The following PHKG1 variants were observed in gnomAD, a reference collection of about 807,000 sequenced individuals.
PHKG1 encodes phosphorylase kinase catalytic subunit gamma 1.
PHKG1 carries 48 observed loss-of-function variants against 50.5 expected under a neutral mutation model. The ratio of observed to expected loss-of-function variants is 0.95; its 90% CI spans 0.75 to 1.21. The LOEUF (loss-of-function observed/expected upper bound fraction) is 1.21, where lower values mean the gene tolerates loss of function less well. Among genes scored for constraint, PHKG1 ranks in the 50% most tolerant of loss-of-function variants. PHKG1 has a pLI of 0.00. For missense variants in PHKG1, 487 were observed against 519.5 expected (o/e 0.94, Z 0.61); for synonymous variants, 204 against 212.8 (o/e 0.96, Z 0.36).
At chr7:56,092,619 T>G (rs1796529695) in intron 1 of PHKG1, among the ~76,000 whole-genome samples, 1 of 152,036 alleles carries the variant, frequency 6.6e-6, no homozygotes, top group Admixed American at 6.6e-5. Flanking sequence ...GAACTCTGAG[T>G]CCAAAAACCA....
In PHKG1 at chr7:56,081,750, G is replaced by A. The variant is rs1208772900; in HGVS notation, c.798C>T (p.Ser266=). 6.2e-7 allele frequency: 1 copy of A among 1,613,498 alleles called. No homozygotes were observed. The highest frequency in any genetic ancestry group is 8.5e-7 in the Non-Finnish European group (1 of 1,179,646). Residue 266 remains serine (S), a synonymous_variant, in exon 9 of 10, where the codon TCC becomes TCT. Coordinates refer to ENST00000297373, the MANE Select transcript of PHKG1 (RefSeq NM_006213.5). The surrounding 1 kb of genome is among the most constrained non-coding windows in gnomAD (Gnocchi z 4.6). ...TCTGGGGTTGCACCACCAGGAATCG[G>A]GAGACCTGTGAGAGGAGGAGAGGGG... ...DYSDTVKDLV[S]RFLVVQPQNR...
chr7:56,082,256 G>T lies in PHKG1; in HGVS notation c.548-3C>A, dbSNP rs1450876888. 6.2e-7 allele frequency: 1 copy of T among 1,611,766 alleles called. No individual in the cohort carries two copies. Among genetic ancestry groups the T allele is most frequent in the Non-Finnish European group, 8.5e-7 (1 of 1,178,934 alleles). On this transcript the variant is annotated splice_polypyrimidine_tract_variant and splice_region_variant and intron_variant, in intron 6 of 9. Coordinates refer to ENST00000297373, the MANE Select transcript of PHKG1 (RefSeq NM_006213.5). ...GTAACTGGGGGTCCCGCAGACCTCT[G>T]CAGGAACAGTCATCATCAGGGCAGG...
chr7:56,083,381 G>C lies in PHKG1; in HGVS notation c.444C>G (p.His148Gln). ...GAATGTTCTCGGGCTTCAGGTCCCG[G>C]TGCACGATGTTGAGTTTGTGCAAGG... ...ICTLHKLNIV[H>Q]RDLKPENILL... Residue 148 changes from histidine to glutamine, a missense_variant, in exon 6 of 10, where the codon CAC becomes CAG. By Grantham distance (24) the His-to-Gln change is conservative (BLOSUM62 0). Transcript: ENST00000297373. 6.2e-7 allele frequency: 1 copy of C among 1,614,136 alleles called. No homozygotes were observed. The highest frequency in any genetic ancestry group is 8.5e-7 in the Non-Finnish European group (1 of 1,180,010).
At chr7:56,089,354 C>T (rs1333666329) in intron 1 of PHKG1, among the ~76,000 whole-genome samples, 1 of 150,512 alleles carries the variant, frequency 6.6e-6, no homozygotes, top group East Asian at 2.0e-4. Flanking sequence ...GAGCCGAGAT[C>T]GCATCACTGC....
chr7:56,090,592 GTGTA>G (rs1796460019), intron 1 of PHKG1, among the ~76,000 whole-genome samples: 2 of 152,100 alleles, frequency 1.3e-5, no homozygotes, highest in Non-Finnish European at 2.9e-5. Flanking sequence ...TCACTTGTCA[GTGTA>G]TGCTGTCACC....
intron 1 of PHKG1, among the ~76,000 whole-genome samples, chr7:56,089,662 T>G (rs1796418468): frequency 6.6e-6 from 1 of 151,982 alleles, no homozygotes; most frequent in South Asian, 2.1e-4. Flanking sequence ...AAGCTGGAAT[T>G]ACAAGCACCT....
rs1420506721 is a variant in PHKG1, at chr7:56,083,414, C to T, written c.411G>A (p.Val137=). The T allele has an allele frequency of 1.2e-5, 19 of 1,614,064 alleles. No individual in the cohort carries two copies. The Admixed American group carries it at 3.2e-4, about 27-fold the overall frequency. The change falls in exon 6 of 10, where the codon GTG becomes GTA. Residue 137 remains valine (V), a synonymous_variant. Coordinates refer to ENST00000297373, the MANE Select transcript of PHKG1 (RefSeq NM_006213.5). ...TGTTGAGTTTGTGCAAGGTGCAGAT[C>T]ACCTCCAGCAGAGCTCGCATGATCT... ...TRKIMRALLE[V]ICTLHKLNIV... is the part of the protein sequence containing the mutation.
chr7:56,088,798 G>C (rs1796377674), intron 2 of PHKG1, 61 bp downstream of exon 2: 2 of 1,160,872 alleles, frequency 1.7e-6, no homozygotes, highest in Admixed American at 3.6e-5. Context: ...AGAGCTGGCT[G>C]TAGCCCACAG....
At chr7:56,091,742 T>A (rs1476643175) in intron 1 of PHKG1, among the ~76,000 whole-genome samples, 1 of 152,180 alleles carries the variant, frequency 6.6e-6, no homozygotes, top group Non-Finnish European at 1.5e-5. Context: ...CCTCCGGGAT[T>A]GGGCAGGCTG....
chr7:56,081,135 C>G lies in PHKG1; in HGVS notation c.1083G>C (p.Lys361Asn). Reference protein sequence around the residue: ...AFRIYGHWVKKGQQQNRAALF... With the variant: ...AFRIYGHWVKNGQQQNRAALF... ...GGGCTGCCCGGTTCTGCTGCTGCCC[C>G]TTCTTCACCCAGTGGCCATAGATTC... Residue 361 changes from lysine (K) to asparagine (N), a missense_variant, in exon 10 of 10, where the codon AAG becomes AAC. Lys to Asn is a moderately conservative substitution (Grantham distance 94). Coordinates refer to ENST00000297373, the MANE Select transcript of PHKG1 (RefSeq NM_006213.5). This position sits in a 1 kb window ranked among gnomAD's most constrained non-coding sequence, Gnocchi z 4.6. 1 of 1,613,868 alleles carries G rather than the reference C, an allele frequency of 6.2e-7. No individual in the cohort carries two copies. The highest frequency in any genetic ancestry group is 8.5e-7 in the Non-Finnish European group (1 of 1,179,906).
chr7:56,092,228 A>C (rs975143204), intron 1 of PHKG1, among the ~76,000 whole-genome samples: 1 of 150,962 alleles, frequency 6.6e-6, no homozygotes, highest in Non-Finnish European at 1.5e-5. Context: ...CACCCCTCAC[A>C]CCTTTCCCAA....
rs199541903 is a variant in PHKG1, at chr7:56,081,268, C to T, written c.950G>A (p.Arg317Gln). The change falls in exon 10 of 10, where the codon CGG (arginine) becomes CAG (glutamine). Residue 317 changes from arginine to glutamine, a missense_variant. Physicochemically the swap from Arg to Gln is conservative, Grantham distance 43 (BLOSUM62 1). Transcript: ENST00000297373. This position sits in a 1 kb window ranked among gnomAD's most constrained non-coding sequence, Gnocchi z 4.6. ...CACCCGGCGGTACTGGTAGTAGATC[C>T]GCACTGAAGCCAGCACGGTCAGAGC... ...VIALTVLASV[R>Q]IYYQYRRVKP... is the part of the protein sequence containing the mutation. 26 of 1,612,092 alleles carry T rather than the reference C, an allele frequency of 1.6e-5. No individual in the cohort carries two copies. In the Admixed American group the frequency reaches 2.5e-4, roughly 15 times the overall value.
rs1187661754 is a variant in PHKG1, at chr7:56,082,109, A to G, written c.638+54T>C. ...CAGGGGCACCGGCCCAGCCCTGCCTACTTCCTCCCTTGCCCAGCCTAGCTG... is the reference window on the plus strand; with the variant it reads ...CAGGGGCACCGGCCCAGCCCTGCCTGCTTCCTCCCTTGCCCAGCCTAGCTG... On this transcript the variant is annotated intron_variant, in intron 7 of 9. Coordinates refer to ENST00000297373, the MANE Select transcript of PHKG1 (RefSeq NM_006213.5). The G allele has an allele frequency of 2.5e-6, 4 of 1,610,950 alleles. No individual in the cohort carries two copies. The African/African-American group carries it at 5.3e-5, about 22-fold the overall frequency.
At chr7:56,088,589 TC>T in intron 2 of PHKG1, 1 of 315,810 alleles carries the variant, frequency 3.2e-6, no homozygotes, top group Non-Finnish European at 5.8e-6. Flanking sequence ...ACTCTTGGCC[TC>T]AAGCAATCCT....
At chr7:56,083,739 C>T (rs1247705107) in intron 4 of PHKG1, 24 bp from the exon 5 acceptor site, 2 of 1,525,068 alleles carry the variant, frequency 1.3e-6, no homozygotes, top group Non-Finnish European at 1.8e-6. Context: ...GGGTTGATAG[C>T]TGGATCGGTC....
rs753474163 is a variant in PHKG1 at position 56,081,221 on chromosome 7, C to A, written c.997G>T (p.Val333Phe). Residue 333 changes from valine (V) to phenylalanine (F), a missense_variant, in exon 10 of 10, where the codon GTC becomes TTC. Physicochemically the swap from Val to Phe is conservative, Grantham distance 50. Coordinates refer to ENST00000297373, the MANE Select transcript of PHKG1 (RefSeq NM_006213.5). The surrounding 1 kb of genome is among the most constrained non-coding windows in gnomAD (Gnocchi z 4.6). ...CGGAGGGCATAGGGGTCTCGGATGA[C>A]GATCTCCCGGGTCACAGGCTTCACC... Reference protein sequence around the residue: ...RRVKPVTREIVIRDPYALRPL... With the variant: ...RRVKPVTREIFIRDPYALRPL... 10 of 1,613,622 alleles carry A rather than the reference C, an allele frequency of 6.2e-6. No individual in the cohort carries two copies. The African/African-American group carries it at 1.3e-4, about 22-fold the overall frequency.
chr7:56,092,375 C>T (rs1180419695), intron 1 of PHKG1, among the ~76,000 whole-genome samples: 5 of 152,264 alleles, frequency 3.3e-5, no homozygotes, highest in East Asian at 1.9e-4. Context: ...CGGGTTCAAG[C>T]GATTCTCTTG....
In PHKG1 at chr7:56,088,896, A is replaced by T. The variant is rs1175759870; in HGVS notation, c.46T>A (p.Phe16Ile). The T allele has an allele frequency of 1.2e-6, 2 of 1,613,824 alleles. No individual in the cohort carries two copies. Among genetic ancestry groups the T allele is most frequent in the Non-Finnish European group, 1.7e-6 (2 of 1,179,876 alleles). Reference sequence around the variant, plus strand: ...TCTTTGGGCTCATAATTCTCATAGAAGTCCTGTGCAGAATGAGAGTCCGGC... The same window carrying T: ...TCTTTGGGCTCATAATTCTCATAGATGTCCTGTGCAGAATGAGAGTCCGGC... The part of the protein sequence containing the change: ...ALPDSHSAQD[F>I]YENYEPKEIL... The change falls in exon 2 of 10, where the codon TTC becomes ATC. Residue 16 changes from phenylalanine (F) to isoleucine (I), a missense_variant. Transcript: ENST00000297373.
intron 2 of PHKG1, 30 bp from the exon 3 acceptor site, chr7:56,087,806 G>A: frequency 6.3e-7 from 1 of 1,590,430 alleles, no homozygotes. Flanking sequence ...ATGGCCTCGG[G>A]GGGCCCCTCA....
Sources: allele counts gnomAD v4.1 joint callset (sites outside exome capture counted in the v4.1 genomes callset), GRCh38; gene constraint gnomAD v4.1.1; non-coding constraint Gnocchi (gnomAD v3.1); transcripts MANE v1.5; gene names NCBI Gene and HGNC (gene_info 2026-07-23, HGNC 2026-07-21).